EFHC2: variants seen among roughly 807,000 people sequenced by gnomAD.
EFHC2 encodes EF-hand domain containing 2.
EFHC2 carries 18 observed loss-of-function variants against 52.7 expected under a neutral mutation model. The ratio of observed to expected loss-of-function variants is 0.34; its 90% confidence interval spans 0.24 to 0.51. EFHC2 has a LOEUF of 0.51. Among genes scored for constraint, EFHC2 ranks in the 20% least tolerant of loss-of-function variants. The pLI is 0.97. For missense variants in EFHC2, 513 were observed against 562.5 expected (o/e 0.91, Z 0.89); for synonymous variants, 203 against 204.1 (o/e 0.99, Z 0.04).
intron 2 of EFHC2, among the ~76,000 whole-genome samples, chrX:44,306,276 G>A (rs918664294): frequency 6.3e-5 from 7 of 111,549 alleles, no homozygotes; most frequent in African/African-American, 1.6e-4. Flanking sequence ...GTGCTTTGGC[G>A]TTTGGCTTTC....
intron 11 of EFHC2, among the ~76,000 whole-genome samples, chrX:44,192,893 TC>T (rs2036933344): frequency 9.0e-6 from 1 of 110,599 alleles, no homozygotes; most frequent in Admixed American, 9.7e-5. Flanking sequence ...TAATGAAAAT[TC>T]TAAGGCCCCC....
At chrX:44,316,299 T>TC (rs1312354607) in intron 1 of EFHC2, among the ~76,000 whole-genome samples, 8 of 111,884 alleles carry the variant, frequency 7.2e-5, no homozygotes, top group Non-Finnish European at 1.3e-4. Context: ...TCAGCTCACA[T>TC]CCCACTACAT....
At chrX:44,312,219 G>C (rs1318804407) in intron 2 of EFHC2, among the ~76,000 whole-genome samples, 1 of 111,833 alleles carries the variant, frequency 8.9e-6, no homozygotes, top group African/African-American at 3.2e-5. Context: ...TTGTATATTT[G>C]AAAATTGTAA....
At chrX:44,199,986 T>A (rs969380036) in intron 11 of EFHC2, among the ~76,000 whole-genome samples, 16 of 112,114 alleles carry the variant, frequency 1.4e-4, no homozygotes, top group Non-Finnish European at 1.9e-5. Flanking sequence ...AAATGCAATG[T>A]GGGATCCTGG....
chrX:44,316,965 G>A (rs1169173687), intron 1 of EFHC2, among the ~76,000 whole-genome samples: 2 of 111,989 alleles, frequency 1.8e-5, no homozygotes, highest in Non-Finnish European at 3.8e-5. Context: ...ACTTGAGACC[G>A]TCATTACAAG....
intron 4 of EFHC2, among the ~76,000 whole-genome samples, chrX:44,253,367 C>T (rs1247781259): frequency 1.8e-5 from 2 of 111,008 alleles, no homozygotes; most frequent in Admixed American, 9.6e-5. Flanking sequence ...AAGCTAAGAC[C>T]GATGGCTTGA....
In EFHC2 at chrX:44,198,626, G is replaced by A. The variant is rs141235663; in HGVS notation, c.1752-20062C>T. Among the ~76,000 whole-genome samples, 318 of 111,321 alleles carry A rather than the reference G, an allele frequency of 2.9e-3. 1 individual carries two copies. The highest frequency in any genetic ancestry group is 8.5e-3 in the African/African-American group (261 of 30,632). ...GAGAGAAATGTCCCCAGGTACCAAC[G>A]CGAAGAGGTAGCTGACAGCCAGAGA... is the stretch of plus-strand genomic sequence containing the variant. On this transcript the variant is annotated intron_variant, in intron 11 of 14. Transcript: ENST00000420999.
intron 13 of EFHC2, among the ~76,000 whole-genome samples, chrX:44,172,481 G>A (rs2036753268): frequency 8.9e-6 from 1 of 112,735 alleles, no homozygotes; most frequent in Non-Finnish European, 1.9e-5. Context: ...GACCTGCAGA[G>A]GCAGGAGCAG....
chrX:44,192,061 A>AGAGT (rs2036925436), intron 11 of EFHC2, among the ~76,000 whole-genome samples: 2 of 95,345 alleles, frequency 2.1e-5, no homozygotes, highest in African/African-American at 7.6e-5. Flanking sequence ...CACATATGTA[A>AGAGT]GTGTGTGTGT....
intron 1 of EFHC2, among the ~76,000 whole-genome samples, chrX:44,340,630 G>A (rs990065406): frequency 4.5e-5 from 5 of 111,397 alleles, no homozygotes; most frequent in Non-Finnish European, 9.4e-5. Flanking sequence ...CTGCACTCCA[G>A]CCTGGGCAAC....
intron 1 of EFHC2, among the ~76,000 whole-genome samples, chrX:44,339,884 C>A (rs2038141732): frequency 9.0e-6 from 1 of 111,618 alleles, no homozygotes; most frequent in Non-Finnish European, 1.9e-5. Flanking sequence ...GTGGGCAACA[C>A]ACAGTACATT....
chrX:44,184,715 T>A, intron 11 of EFHC2, among the ~76,000 whole-genome samples: 1 of 90,312 alleles, frequency 1.1e-5, no homozygotes, highest in Non-Finnish European at 2.1e-5. Flanking sequence ...AAGAGCAAAA[T>A]TCCATCTCAA....
In EFHC2 at chrX:44,330,344, G is replaced by GA. The variant is rs764379369; in HGVS notation, c.42+13202dup. On this transcript the variant is annotated intron_variant, in intron 1 of 14. Coordinates refer to ENST00000420999, the MANE Select transcript of EFHC2 (RefSeq NM_025184.4). ...GACACCAAAAGCACAACTCATAAAAGAAAAAAACCGATAAATTAGACCTTA... is the reference window on the plus strand; with the variant it reads ...GACACCAAAAGCACAACTCATAAAAGAAAAAAAACCGATAAATTAGACCTTA... Among the ~76,000 whole-genome samples, 4 of 111,396 alleles carry GA rather than the reference G, an allele frequency of 3.6e-5. No individual in the cohort carries two copies. In the South Asian group the frequency reaches 1.5e-3, roughly 41 times the overall value.
intron 4 of EFHC2, 150 bp from the exon 5 acceptor site, chrX:44,250,595 C>A (rs1355924004): frequency 3.2e-6 from 2 of 623,234 alleles, no homozygotes; most frequent in Admixed American, 5.0e-5. Context: ...GAGGCCAAGG[C>A]GGGAAGACTG....
intron 11 of EFHC2, among the ~76,000 whole-genome samples, chrX:44,184,072 C>G (rs1339006865): frequency 8.9e-6 from 1 of 111,909 alleles, no homozygotes; most frequent in African/African-American, 3.3e-5. Context: ...TATGTTAAAA[C>G]AGAAGTCAGA....
rs936141434 is a variant in EFHC2 at position 44,287,757 on chromosome X, A to G, written c.232-14921T>C. ...AAGTAGCCAGTAATCTAGAAATTCA[A>G]TTTACTCTTAGTGGTCCCTGGGCCA... is the stretch of plus-strand genomic sequence containing the variant. On this transcript the variant is annotated intron_variant, in intron 2 of 14. Transcript: ENST00000420999. 1.2e-4 allele frequency among the ~76,000 whole-genome samples: 14 copies of G among 112,200 alleles called. No homozygotes were observed. In the East Asian group the frequency reaches 1.7e-3, roughly 13 times the overall value.
chrX:44,313,458 T>A (rs1323442393), intron 1 of EFHC2, among the ~76,000 whole-genome samples: 1 of 111,745 alleles, frequency 8.9e-6, no homozygotes, highest in East Asian at 2.8e-4. Flanking sequence ...GAGAGGCATA[T>A]ATGTCCTATG....
chrX:44,323,160 G>A (rs1236045304), intron 1 of EFHC2, among the ~76,000 whole-genome samples: 1 of 112,223 alleles, frequency 8.9e-6, no homozygotes, highest in Non-Finnish European at 1.9e-5. Flanking sequence ...CATAAATTAT[G>A]TGATCTTCAT....
At chrX:44,333,875 T>G (rs1220028743) in intron 1 of EFHC2, among the ~76,000 whole-genome samples, 1 of 111,833 alleles carries the variant, frequency 8.9e-6, no homozygotes, top group Non-Finnish European at 1.9e-5. Context: ...CTCTCCTTCC[T>G]GCTTGTCTTG....
Sources: allele counts gnomAD v4.1 joint callset (sites outside exome capture counted in the v4.1 genomes callset), GRCh38; gene constraint gnomAD v4.1.1; transcripts MANE v1.5; gene names NCBI Gene and HGNC (gene_info 2026-07-23, HGNC 2026-07-21).